Variants in WDR49 observed in about 807,000 individuals in gnomAD.
WDR49 encodes WD repeat domain 49, also known as cilia- and flagella-associated protein 337.
Under a neutral mutation model 119.5 loss-of-function variants are expected in WDR49, and 107 were observed. That is an observed-to-expected ratio of 0.90 (90% CI 0.77 to 1.05). WDR49 has a LOEUF of 1.05. Among genes scored for constraint, WDR49 ranks in the 50% least tolerant of loss-of-function variants. The probability of loss-of-function intolerance (pLI) is 0.00; values close to 1 mark genes in which losing one functional copy is unlikely to be tolerated. For synonymous variants in WDR49, 425 were observed against 418.8 expected, an observed-to-expected ratio of 1.01 and a Z score of -0.18; for missense variants, 1,240 against 1,220.5, an observed-to-expected ratio of 1.02 and a Z score of -0.24.
At chr3:167,533,029 A>G in intron 11 of WDR49, 52 bp from the exon 12 acceptor site, 1 of 1,361,310 alleles carries the variant, frequency 7.3e-7, no homozygotes. Context: ...AAGATAGAAA[A>G]TATGAGCAAC....
intron 8 of WDR49, among the ~76,000 whole-genome samples, chr3:167,571,885 C>A (rs1486734707): frequency 6.6e-6 from 1 of 152,106 alleles, no homozygotes; most frequent in Non-Finnish European, 1.5e-5. Flanking sequence ...TAAATGTCTA[C>A]CTTGATTATA....
intron 12 of WDR49, among the ~76,000 whole-genome samples, chr3:167,532,507 C>A (rs1752885112): frequency 6.6e-6 from 1 of 152,034 alleles, no homozygotes; most frequent in African/African-American, 2.4e-5. Context: ...GTCTGAACAG[C>A]CTATCGAGTG....
At position 167,627,300 on chromosome 3, in the gene WDR49, C is replaced by T. The variant is rs903038639; in HGVS notation, c.166-8G>A. ...TTTCCTTGGCTGTGGGGACTAGAAA[C>T]AGGAATCCAAAAACAATAATGAGAC... On this transcript the variant is annotated splice_polypyrimidine_tract_variant and splice_region_variant and intron_variant, in intron 2 of 18. Transcript: ENST00000682715. 2 of 1,234,710 alleles carry T rather than the reference C, an allele frequency of 1.6e-6. No individual in the cohort carries two copies. The highest frequency in any genetic ancestry group is 3.1e-5 in the African/African-American group (2 of 64,408). 76.5% of individuals were successfully genotyped at this position (1,234,710 alleles called of 1,614,324 possible).
chr3:167,514,669 A>G (rs1553861570), intron 16 of WDR49, among the ~76,000 whole-genome samples: 86 of 138,454 alleles, frequency 6.2e-4, no homozygotes, highest in African/African-American at 2.0e-3. Context: ...ACACACACAC[A>G]CCCTTCAAAA....
chr3:167,511,628 C>T (rs1751975821), intron 16 of WDR49, among the ~76,000 whole-genome samples: 1 of 152,150 alleles, frequency 6.6e-6, no homozygotes, highest in African/African-American at 2.4e-5. Context: ...GCCTTGGGTT[C>T]CAAGCACAGA....
chr3:167,636,177 C>T (rs1717609700), intron 2 of WDR49, among the ~76,000 whole-genome samples: 1 of 151,646 alleles, frequency 6.6e-6, no homozygotes, highest in Non-Finnish European at 1.5e-5. Context: ...TTTGCATCCT[C>T]ATAACTTAGC....
intron 9 of WDR49, among the ~76,000 whole-genome samples, chr3:167,557,148 G>C (rs554835210): frequency 6.6e-6 from 1 of 152,066 alleles, no homozygotes; most frequent in Non-Finnish European, 1.5e-5. Flanking sequence ...AGTGAGACAG[G>C]ATCATCCCAC....
intron 10 of WDR49, among the ~76,000 whole-genome samples, chr3:167,540,726 A>G (rs893995497): frequency 1.4e-5 from 2 of 139,984 alleles, no homozygotes; most frequent in Non-Finnish European, 3.3e-5. Context: ...CAAATAAACA[A>G]TTCAGAAGGC....
intron 2 of WDR49, among the ~76,000 whole-genome samples, chr3:167,647,158 C>T (rs1397400771): frequency 6.6e-6 from 1 of 152,144 alleles, no homozygotes; most frequent in Non-Finnish European, 1.5e-5. Context: ...ACAAGTCTGG[C>T]TAAGCTGATG....
intron 2 of WDR49, among the ~76,000 whole-genome samples, chr3:167,648,270 G>A (rs531139271): frequency 6.6e-6 from 1 of 152,124 alleles, no homozygotes; most frequent in Non-Finnish European, 1.5e-5. Context: ...TACTTGAAAG[G>A]TATTCAATTT....
chr3:167,526,644 G>C (rs1210506650), intron 15 of WDR49, among the ~76,000 whole-genome samples: 2 of 152,214 alleles, frequency 1.3e-5, no homozygotes, highest in East Asian at 3.9e-4. Flanking sequence ...GATTGCTACA[G>C]CTCCGGAGTG....
At chr3:167,499,891 C>G (rs185955776) in intron 18 of WDR49, among the ~76,000 whole-genome samples, 4 of 152,272 alleles carry the variant, frequency 2.6e-5, no homozygotes, top group African/African-American at 9.6e-5. Context: ...ACGGAAGATT[C>G]ATAGATACAT....
chr3:167,595,931 C>A (rs1473615592), intron 7 of WDR49, among the ~76,000 whole-genome samples: 2 of 148,344 alleles, frequency 1.3e-5, no homozygotes, highest in Non-Finnish European at 1.5e-5. Flanking sequence ...AGTGAACAGG[C>A]AACCTACAAA....
At chr3:167,553,955 A>T (rs539752645) in intron 10 of WDR49, among the ~76,000 whole-genome samples, 20 of 152,266 alleles carry the variant, frequency 1.3e-4, no homozygotes, top group African/African-American at 4.6e-4. Context: ...CCGAGCTTCA[A>T]AGCATTAAGG....
At chr3:167,512,253 G>A (rs775518233) in intron 16 of WDR49, among the ~76,000 whole-genome samples, 24 of 152,160 alleles carry the variant, frequency 1.6e-4, no homozygotes, top group Admixed American at 3.3e-4. Flanking sequence ...AGGGGAAGGA[G>A]CAGGCAGCCA....
chr3:167,534,040 A>C (rs1291327887), intron 11 of WDR49, among the ~76,000 whole-genome samples: 1 of 151,930 alleles, frequency 6.6e-6, no homozygotes, highest in Admixed American at 6.6e-5. Context: ...ATACAAAAAA[A>C]AAAACTTAGC....
At chr3:167,551,238 C>G (rs1222629752) in intron 10 of WDR49, among the ~76,000 whole-genome samples, 1 of 151,810 alleles carries the variant, frequency 6.6e-6, no homozygotes, top group African/African-American at 2.4e-5. Flanking sequence ...AAGTGGATGC[C>G]CTTGAAACAG....
In WDR49 at chr3:167,529,149, T is replaced by G. The variant is rs377472529; in HGVS notation, c.2309A>C (p.His770Pro). Residue 770 changes from histidine (H) to proline (P), a missense_variant, in exon 14 of 19, where the codon CAT becomes CCT. By Grantham distance (77) the His-to-Pro change is moderately conservative. Coordinates refer to ENST00000682715, the MANE Select transcript of WDR49 (RefSeq NM_001366157.1). ...CATAATAATCGATCCAACTCCACTA[T>G]GAGCCAAAAATTCAGCCAGAAGTTG... ...KKQLLAEFLA[H>P]SGVGSIIMST... 76 of 1,612,284 alleles carry G rather than the reference T, an allele frequency of 4.7e-5. No homozygotes were observed. The highest frequency in any genetic ancestry group is 6.0e-5 in the Non-Finnish European group (71 of 1,179,324).
chr3:167,506,729 A>G (rs149012962), intron 16 of WDR49, among the ~76,000 whole-genome samples: 11 of 152,290 alleles, frequency 7.2e-5, no homozygotes, highest in African/African-American at 2.6e-4. Flanking sequence ...TTAGAGTTTT[A>G]CTAGTTTTTT....
Sources: allele counts gnomAD v4.1 joint callset (sites outside exome capture counted in the v4.1 genomes callset), GRCh38; gene constraint gnomAD v4.1.1; transcripts MANE v1.5; gene names NCBI Gene and HGNC (gene_info 2026-07-23, HGNC 2026-07-21).